The following SPRYD4 variants were observed in gnomAD, a reference collection of about 807,000 sequenced individuals.
SPRYD4 encodes the protein SPRY domain containing 4, also known as SPRY domain-containing protein 4.
SPRYD4 carries 12 observed loss-of-function variants against 16.6 expected under a neutral mutation model. The observed-to-expected ratio is 0.72, with a 90% CI of 0.46 to 1.17. The LOEUF (loss-of-function observed/expected upper bound fraction) is 1.17. Among genes scored for constraint, SPRYD4 ranks in the 50% most tolerant of loss-of-function variants. The pLI is 0.00. For missense variants in SPRYD4, 260 were observed against 260.2 expected (o/e 1.00, Z 0.00); for synonymous variants, 98 against 105.4 (o/e 0.93, Z 0.43).
chr12:56,474,505 TG>T lies in SPRYD4; in HGVS notation c.*4931del. The T allele has an allele frequency of 2.5e-6, 4 of 1,610,460 alleles. No homozygotes were observed. Among genetic ancestry groups the T allele is most frequent in the Non-Finnish European group, 3.4e-6 (4 of 1,178,756 alleles). ...AGTCAGTGTTCTCTCTTCTTAGCAC[TG>T]GGCTCATGACAGATGGATAGCAGAG... On this transcript the variant is annotated 3_prime_UTR_variant, in exon 2 of 2. Transcript: ENST00000338146.
At position 56,475,839 on chromosome 12, in the gene SPRYD4, T is replaced by TA; in HGVS notation, c.*6262_*6263insA. Reference sequence around the variant, plus strand: ...ATTTCTGGAAATAAGGCTTCTAGTATGGGCTGGTGCACCTGGTAGTGGGGT... The same window carrying TA: ...ATTTCTGGAAATAAGGCTTCTAGTATAGGGCTGGTGCACCTGGTAGTGGGGT... On this transcript the variant is annotated 3_prime_UTR_variant, in exon 2 of 2. Transcript: ENST00000338146. The TA allele has an allele frequency of 1.4e-6, 2 of 1,418,972 alleles. No homozygotes were observed. Among genetic ancestry groups the TA allele is most frequent in the South Asian group, 2.3e-5 (2 of 86,604 alleles). The allele number at this position is 1,418,972 out of a possible 1,614,324, so 87.9% of individuals were successfully genotyped here.
Position 56,472,163 on chromosome 12 carries a change from T to C in SPRYD4, c.*2586T>C. On this transcript the variant is annotated 3_prime_UTR_variant, in exon 2 of 2. Transcript: ENST00000338146. Reference sequence around the variant, plus strand: ...CAGAGCTGTGCGCGAGTCATAGTCTTTCTGTTCCATATCCATGGCTGACAA... The same window carrying C: ...CAGAGCTGTGCGCGAGTCATAGTCTCTCTGTTCCATATCCATGGCTGACAA... 6.2e-7 allele frequency: 1 copy of C among 1,614,184 alleles called. No individual in the cohort carries two copies. The highest frequency in any genetic ancestry group is 1.1e-5 in the South Asian group (1 of 91,090).
Position 56,475,363 on chromosome 12 carries a change from G to T in SPRYD4, c.*5786G>T. ...TCTAGGAAAACTGGTGAAGTTTTTG[G>T]CTTTGAAAGTCTTGGCAAGAAAGGG... On this transcript the variant is annotated 3_prime_UTR_variant, in exon 2 of 2. Transcript: ENST00000338146. The T allele has an allele frequency of 2.0e-6, 2 of 1,001,976 alleles. No homozygotes were observed. The highest frequency in any genetic ancestry group is 1.6e-5 in the African/African-American group (1 of 61,338). The allele number at this position is 1,001,976 out of a possible 1,614,324, so 62.1% of individuals were successfully genotyped here.
At position 56,472,368 on chromosome 12, in the gene SPRYD4, A is replaced by G. The variant is rs1869362227; in HGVS notation, c.*2791A>G. On this transcript the variant is annotated 3_prime_UTR_variant, in exon 2 of 2. Coordinates refer to ENST00000338146, the MANE Select transcript of SPRYD4 (RefSeq NM_207344.4). ...ATATCCAGATGAGACTGTTATACTC[A>G]TATTAGAGAGATGGGAATGTGATCC... The G allele has an allele frequency of 1.4e-5, 9 of 622,980 alleles. No homozygotes were observed. In the East Asian group the frequency reaches 1.6e-4, roughly 11 times the overall value. 38.6% of individuals were successfully genotyped at this position (622,980 alleles called of 1,614,324 possible). A position where few individuals can be genotyped will look rare whatever the true frequency, so the allele number is the denominator to read the frequency against.
rs1166869902 is a variant in SPRYD4, at chr12:56,471,528, C to G, written c.*1951C>G. 7.4e-6 allele frequency: 12 copies of G among 1,614,038 alleles called. No individual in the cohort carries two copies. In the South Asian group the frequency reaches 1.3e-4, roughly 18 times the overall value. On this transcript the variant is annotated 3_prime_UTR_variant, in exon 2 of 2. Transcript: ENST00000338146. ...AAGTTCTCTTTGGACAGGGCCTCAG[C>G]TGCTGCCTCAGCCTGAGTTTCAGAG...
In SPRYD4 at chr12:56,478,881, G is replaced by A; in HGVS notation, c.*9304G>A. On this transcript the variant is annotated 3_prime_UTR_variant, in exon 2 of 2. Transcript: ENST00000338146. ...GGTGGTGTATGCCAGCTACTCGGGA[G>A]GCTGAGACAGGAGAATCGCTTGAAC... 2 of 751,514 alleles carry A rather than the reference G, an allele frequency of 2.7e-6. No individual in the cohort carries two copies. The highest frequency in any genetic ancestry group is 4.2e-6 in the Non-Finnish European group (2 of 478,748). The allele number at this position is 751,514 out of a possible 1,614,324, so 46.6% of individuals were successfully genotyped here.
At position 56,472,549 on chromosome 12, in the gene SPRYD4, T is replaced by TA. The variant is rs1869382834; in HGVS notation, c.*2972_*2973insA. On this transcript the variant is annotated 3_prime_UTR_variant, in exon 2 of 2. Transcript: ENST00000338146. ...CTTTTTTTAAAAAAAATCTCCTTTT[T>TA]TAAAAAAATTTCATTTAAATGCAAT... 5 of 747,992 alleles carry TA rather than the reference T, an allele frequency of 6.7e-6. No homozygotes were observed. Among genetic ancestry groups the TA allele is most frequent in the Non-Finnish European group, 1.1e-5 (5 of 457,544 alleles). The allele number at this position is 747,992 out of a possible 1,614,324, so 46.3% of individuals were successfully genotyped here. A position where few individuals can be genotyped will look rare whatever the true frequency, so the allele number is the denominator to read the frequency against.
chr12:56,473,034 C>T lies in SPRYD4; in HGVS notation c.*3457C>T, dbSNP rs1244030528. 9 of 604,902 alleles carry T rather than the reference C, an allele frequency of 1.5e-5. No homozygotes were observed. The highest frequency in any genetic ancestry group is 4.1e-5 in the South Asian group (2 of 49,252). 37.5% of individuals were successfully genotyped at this position (604,902 alleles called of 1,614,324 possible). On this transcript the variant is annotated 3_prime_UTR_variant, in exon 2 of 2. Coordinates refer to ENST00000338146, the MANE Select transcript of SPRYD4 (RefSeq NM_207344.4). ...CCTCCCAAGTAGCTGGGACCACAGG[C>T]GCGTGCCACCACGTCTGGCTAATTT...
rs1869750149 is a variant in SPRYD4, at chr12:56,475,752, T to C, written c.*6175T>C. On this transcript the variant is annotated 3_prime_UTR_variant, in exon 2 of 2. Coordinates refer to ENST00000338146, the MANE Select transcript of SPRYD4 (RefSeq NM_207344.4). The stretch of plus-strand genomic sequence containing the variant: ...CTCTATTAATACCTCACAGGTTGAC[T>C]AGCCCTTCTGAACTCAGGTCTTGTC... The C allele has an allele frequency of 1.9e-6, 3 of 1,541,390 alleles. No homozygotes were observed. The highest frequency in any genetic ancestry group is 2.7e-6 in the Non-Finnish European group (3 of 1,114,822).
Position 56,469,378 on chromosome 12 carries a change from T to C in SPRYD4, c.425T>C (p.Val142Ala), listed in dbSNP as rs1869140459. 1 of 1,613,950 alleles carries C rather than the reference T, an allele frequency of 6.2e-7. No individual in the cohort carries two copies. The highest frequency in any genetic ancestry group is 1.7e-5 in the Admixed American group (1 of 59,998). ...YTMLANEKAP[V>A]EGIGQPEKVG... is the part of the protein sequence containing the mutation. ...ATGTTGGCCAACGAGAAAGCCCCAG[T>C]TGAGGGTATTGGGCAGCCAGAGAAG... The change falls in exon 2 of 2, where the codon GTT becomes GCT. Residue 142 changes from valine to alanine, a missense_variant. Physicochemically the swap from Val to Ala is moderately conservative, Grantham distance 64 (BLOSUM62 0). Transcript: ENST00000338146.
chr12:56,468,938 A>G, intron 1 of SPRYD4, 101 bp from the exon 2 acceptor site: 1 of 1,401,476 alleles, frequency 7.1e-7, no homozygotes, highest in Non-Finnish European at 9.6e-7. Flanking sequence ...ACTCTTCCCT[A>G]GTTGCTCGTG....
Position 56,474,962 on chromosome 12 carries a change from C to T in SPRYD4, c.*5385C>T. On this transcript the variant is annotated 3_prime_UTR_variant, in exon 2 of 2. Coordinates refer to ENST00000338146, the MANE Select transcript of SPRYD4 (RefSeq NM_207344.4). Reference sequence around the variant, plus strand: ...CAGCCCTTTCACACTGTCAGGGTCTCAGCTGAAGCCCCCAACCCCTACTGC... The same window carrying T: ...CAGCCCTTTCACACTGTCAGGGTCTTAGCTGAAGCCCCCAACCCCTACTGC... The T allele has an allele frequency of 6.2e-7, 1 of 1,613,696 alleles. No homozygotes were observed. Among genetic ancestry groups the T allele is most frequent in the Non-Finnish European group, 8.5e-7 (1 of 1,179,830 alleles).
Position 56,470,252 on chromosome 12 carries a change from C to A in SPRYD4, c.*675C>A, listed in dbSNP as rs541896007. 6.6e-6 allele frequency: 1 copy of A among 152,350 alleles called. No homozygotes were observed. The highest frequency in any genetic ancestry group is 6.7e-5 in the Admixed American group (1 of 14,996). 9.4% of individuals were successfully genotyped at this position (152,350 alleles called of 1,614,324 possible). A position where few individuals can be genotyped will look rare whatever the true frequency, so the allele number is the denominator to read the frequency against. On this transcript the variant is annotated 3_prime_UTR_variant, in exon 2 of 2. Coordinates refer to ENST00000338146, the MANE Select transcript of SPRYD4 (RefSeq NM_207344.4). ...TGACACCCAGCCAGTCTGTCATAAT[C>A]ATTATCCCAGTTATAACCTTGACCA... is the stretch of plus-strand genomic sequence containing the variant.
chr12:56,468,844 G>C (rs928940822), intron 1 of SPRYD4, 168 bp downstream of exon 1: 12 of 1,025,710 alleles, frequency 1.2e-5, no homozygotes, highest in Non-Finnish European at 1.4e-6. Flanking sequence ...TAAATTCCGG[G>C]ACTTACTCAA....
Position 56,475,844 on chromosome 12 carries a change from T to C in SPRYD4, c.*6267T>C. Reference sequence around the variant, plus strand: ...TGGAAATAAGGCTTCTAGTATGGGCTGGTGCACCTGGTAGTGGGGTTAGAG... The same window carrying C: ...TGGAAATAAGGCTTCTAGTATGGGCCGGTGCACCTGGTAGTGGGGTTAGAG... On this transcript the variant is annotated 3_prime_UTR_variant, in exon 2 of 2. Transcript: ENST00000338146. 1 of 1,420,256 alleles carries C rather than the reference T, an allele frequency of 7.0e-7. No homozygotes were observed. Among genetic ancestry groups the C allele is most frequent in the Non-Finnish European group, 1.0e-6 (1 of 1,005,024 alleles). The allele number at this position is 1,420,256 out of a possible 1,614,324, so 88.0% of individuals were successfully genotyped here.
rs929434376 is a variant in SPRYD4 at position 56,475,424 on chromosome 12, T to C, written c.*5847T>C. The C allele has an allele frequency of 2.1e-5, 15 of 700,996 alleles. No homozygotes were observed. Among genetic ancestry groups the C allele is most frequent in the African/African-American group, 3.6e-5 (2 of 55,716 alleles). 43.4% of individuals were successfully genotyped at this position (700,996 alleles called of 1,614,324 possible). A position where few individuals can be genotyped will look rare whatever the true frequency, so the allele number is the denominator to read the frequency against. On this transcript the variant is annotated 3_prime_UTR_variant, in exon 2 of 2. Coordinates refer to ENST00000338146, the MANE Select transcript of SPRYD4 (RefSeq NM_207344.4). ...AACCATCACACTGCCTCTCTCATTATGTACTAATTAGAAATGGAACAAATT... is the reference window on the plus strand; with the variant it reads ...AACCATCACACTGCCTCTCTCATTACGTACTAATTAGAAATGGAACAAATT...
In SPRYD4 at chr12:56,476,143, A is replaced by C; in HGVS notation, c.*6566A>C. 1 of 625,638 alleles carries C rather than the reference A, an allele frequency of 1.6e-6. No individual in the cohort carries two copies. The highest frequency in any genetic ancestry group is 2.8e-5 in the Admixed American group (1 of 35,098). 38.8% of individuals were successfully genotyped at this position (625,638 alleles called of 1,614,324 possible). On this transcript the variant is annotated 3_prime_UTR_variant, in exon 2 of 2. Transcript: ENST00000338146. ...ATCCTTCTGAAAACACCGCACTTCC[A>C]TTGGCTCCTCTCTTTCTCTTTCTTT...
At position 56,478,626 on chromosome 12, in the gene SPRYD4, C is replaced by T; in HGVS notation, c.*9049C>T. The T allele has an allele frequency of 3.7e-6, 1 of 269,276 alleles. No individual in the cohort carries two copies. The allele number at this position is 269,276 out of a possible 1,614,324, so 16.7% of individuals were successfully genotyped here. A position where few individuals can be genotyped will look rare whatever the true frequency, so the allele number is the denominator to read the frequency against. ...GAATCGTGTATAGAAACACATGAAG[C>T]CATGTCACCATTTACAGAAGTTCTG... On this transcript the variant is annotated 3_prime_UTR_variant, in exon 2 of 2. Transcript: ENST00000338146.
Position 56,479,700 on chromosome 12 carries a change from C to A in SPRYD4, c.*10123C>A. 1 of 1,460,510 alleles carries A rather than the reference C, an allele frequency of 6.8e-7. No individual in the cohort carries two copies. Among genetic ancestry groups the A allele is most frequent in the Non-Finnish European group, 9.1e-7 (1 of 1,097,994 alleles). 90.5% of individuals were successfully genotyped at this position (1,460,510 alleles called of 1,614,324 possible). ...AATGAGGAATTGAACTATACAATTC[C>A]CAAATTCCTCCCTGCTCTGAGAGTC... is the stretch of plus-strand genomic sequence containing the variant. On this transcript the variant is annotated 3_prime_UTR_variant, in exon 2 of 2. Coordinates refer to ENST00000338146, the MANE Select transcript of SPRYD4 (RefSeq NM_207344.4).
Sources: allele counts gnomAD v4.1 joint callset, GRCh38; gene constraint gnomAD v4.1.1; transcripts MANE v1.5; gene names NCBI Gene and HGNC (gene_info 2026-07-23, HGNC 2026-07-21).